KLF12: variants seen among roughly 807,000 people sequenced by gnomAD.
KLF12 encodes the protein Krueppel-like factor 12.
KLF12 carries 9 observed loss-of-function variants against 37.8 expected under a neutral mutation model. That is an observed-to-expected ratio of 0.24 (90% CI 0.14 to 0.42). The LOEUF (loss-of-function observed/expected upper bound fraction) is 0.42, where lower values mean the gene tolerates loss of function less well. Ranked by LOEUF, KLF12 falls within the 10% of genes least tolerant of loss-of-function variation. KLF12 has a pLI of 1.00. For synonymous variants in KLF12, 208 were observed against 202.1 expected (o/e 1.03, Z -0.25); for missense variants, 411 against 516.0 (o/e 0.80, Z 1.97).
chr13:73,809,348 G>T (rs1444465655), intron 5 of KLF12, among the ~76,000 whole-genome samples: 3 of 141,884 alleles, frequency 2.1e-5, no homozygotes, highest in Admixed American at 1.4e-4. Flanking sequence ...GTTTACAGAA[G>T]TCATCAAGAT....
chr13:74,127,932 A>T (rs1005561723), intron 1 of KLF12, among the ~76,000 whole-genome samples: 1 of 152,222 alleles, frequency 6.6e-6, no homozygotes, highest in African/African-American at 2.4e-5. Flanking sequence ...AGTATATCAC[A>T]AATTTAATAA....
rs181025143 is a variant in KLF12 at position 73,860,399 on chromosome 13, A to C, written c.124-14026T>G. Among the ~76,000 whole-genome samples the C allele has an allele frequency of 2.7e-4, 41 of 152,252 alleles. 1 individual carries two copies. Among genetic ancestry groups the C allele is most frequent in the Admixed American group, 1.2e-3 (18 of 15,276 alleles). The stretch of plus-strand genomic sequence containing the variant: ...GCACTTAATTAAAGCTCATTAGTAA[A>C]GCTCCAGTTGCTCCCCAAAGGCCTT... On this transcript the variant is annotated intron_variant, in intron 3 of 7. Coordinates refer to ENST00000377669, the MANE Select transcript of KLF12 (RefSeq NM_007249.5).
chr13:73,876,691 C>T (rs1165551099), intron 3 of KLF12, among the ~76,000 whole-genome samples: 1 of 151,480 alleles, frequency 6.6e-6, no homozygotes, highest in African/African-American at 2.4e-5. Flanking sequence ...TTAATTTTTT[C>T]AATTCTGATT....
intron 1 of KLF12, among the ~76,000 whole-genome samples, chr13:74,005,847 C>G (rs1892397423): frequency 1.3e-5 from 2 of 152,120 alleles, no homozygotes; most frequent in South Asian, 4.2e-4. Context: ...ATTGTATTTA[C>G]CCATAAGCTT....
At chr13:73,902,904 T>C (rs8002663) in intron 3 of KLF12, among the ~76,000 whole-genome samples, 7,176 of 152,296 alleles carry the variant, frequency 0.047, 389 homozygotes, top group African/African-American at 0.13. Flanking sequence ...TCCAGCAACA[T>C]GACCCTGAGT....
intron 3 of KLF12, among the ~76,000 whole-genome samples, chr13:73,852,618 AAT>A (rs1032636897): frequency 5.9e-5 from 9 of 151,996 alleles, no homozygotes; most frequent in African/African-American, 2.2e-4. Flanking sequence ...CTCTACTAAA[AAT>A]ACAAAAATTA....
intron 1 of KLF12, among the ~76,000 whole-genome samples, chr13:74,104,204 A>G (rs4477573): frequency 0.54 from 82,786 of 152,110 alleles, 27,633 homozygotes; most frequent in East Asian, 0.91. Context: ...AATGATTTGT[A>G]TATTTTATTT....
chr13:74,257,552 C>T, the KLF12 span: 1 of 152,176 alleles, frequency 6.6e-6, no homozygotes, highest in African/African-American at 2.4e-5. Flanking sequence ...ATCCCCCTCT[C>T]CCGTGGATGC....
chr13:73,807,185 G>T (rs1163834241), intron 5 of KLF12, among the ~76,000 whole-genome samples: 1 of 151,898 alleles, frequency 6.6e-6, no homozygotes, highest in Non-Finnish European at 1.5e-5. Context: ...GCTTATGCTT[G>T]TTAATCCCAG....
At chr13:74,010,511 C>T (rs2138362208) in intron 1 of KLF12, among the ~76,000 whole-genome samples, 1 of 152,328 alleles carries the variant, frequency 6.6e-6, no homozygotes, top group East Asian at 1.9e-4. Flanking sequence ...CATAATTTCT[C>T]TAAAATCCAG....
At chr13:74,205,799 A>C in the KLF12 span, among the ~76,000 whole-genome samples, 1 of 152,096 alleles carries the variant, frequency 6.6e-6, no homozygotes, top group East Asian at 1.9e-4. Flanking sequence ...AATCTACAAC[A>C]AAGTTGAAGG....
the KLF12 span, among the ~76,000 whole-genome samples, chr13:74,290,455 G>A: frequency 5.3e-5 from 8 of 152,136 alleles, no homozygotes; most frequent in African/African-American, 1.4e-4. Context: ...AAAGACTGCC[G>A]CATATTACTC....
intron 1 of KLF12, among the ~76,000 whole-genome samples, chr13:74,083,610 G>A (rs1477504495): frequency 6.6e-6 from 1 of 151,614 alleles, no homozygotes; most frequent in African/African-American, 2.4e-5. Context: ...CCAAGTCTAA[G>A]ATGTGTTTAA....
At chr13:74,101,242 A>T (rs758444959) in intron 1 of KLF12, among the ~76,000 whole-genome samples, 12 of 152,192 alleles carry the variant, frequency 7.9e-5, no homozygotes, top group Non-Finnish European at 1.8e-4. Context: ...AAAATTGCCT[A>T]CATCCCTCAC....
intron 5 of KLF12, among the ~76,000 whole-genome samples, chr13:73,804,544 T>C (rs1338974983): frequency 6.6e-6 from 1 of 152,112 alleles, no homozygotes; most frequent in African/African-American, 2.4e-5. Flanking sequence ...ACTGAGTTAC[T>C]AAGGGATCAC....
intron 6 of KLF12, among the ~76,000 whole-genome samples, chr13:73,743,394 T>G (rs1377495704): frequency 6.6e-6 from 1 of 152,236 alleles, no homozygotes; most frequent in African/African-American, 2.4e-5. Context: ...TCAACTCTTC[T>G]TGTATAGAGA....
chr13:74,226,396 G>A, the KLF12 span, among the ~76,000 whole-genome samples: 4 of 152,158 alleles, frequency 2.6e-5, no homozygotes, highest in South Asian at 6.2e-4. Context: ...TTGAAAGACA[G>A]TAAGGGAATA....
intron 4 of KLF12, among the ~76,000 whole-genome samples, chr13:73,822,210 G>C (rs373909297): frequency 3.3e-5 from 5 of 152,200 alleles, no homozygotes; most frequent in African/African-American, 1.2e-4. Context: ...ATTTGTGAGA[G>C]AAAAGTCACA....
intron 2 of KLF12, among the ~76,000 whole-genome samples, chr13:73,945,964 A>T (rs758085189): frequency 6.6e-6 from 1 of 152,094 alleles, no homozygotes; most frequent in Non-Finnish European, 1.5e-5. Flanking sequence ...TGGGGCAGGG[A>T]TCTCAAATCC....
Sources: allele counts gnomAD v4.1 joint callset (sites outside exome capture counted in the v4.1 genomes callset), GRCh38; gene constraint gnomAD v4.1.1; transcripts MANE v1.5; gene names NCBI Gene and HGNC (gene_info 2026-07-23, HGNC 2026-07-21).